Variants in ABL1 observed in about 807,000 individuals in gnomAD.
The protein encoded by ABL1 is tyrosine-protein kinase ABL1.
A neutral mutation model predicts 94.7 loss-of-function variants in ABL1; 11 were observed. That is an observed-to-expected ratio of 0.12 (90% CI 0.07 to 0.19). The LOEUF (loss-of-function observed/expected upper bound fraction) is 0.19, where lower values mean the gene tolerates loss of function less well. Ranked by LOEUF, ABL1 falls within the 10% of genes least tolerant of loss-of-function variation. ABL1 has a pLI of 1.00. For missense variants in ABL1, 1,082 were observed against 1,489.4 expected (o/e 0.73, Z 4.50); for synonymous variants, 656 against 622.4 (o/e 1.05, Z -0.80).
At chr9:130,726,596 T>G (rs1448555827) in intron 1 of ABL1, among the ~76,000 whole-genome samples, 3 of 152,196 alleles carry the variant, frequency 2.0e-5, no homozygotes, top group Non-Finnish European at 4.4e-5. Flanking sequence ...TCAATTGTTT[T>G]CCATTTTATT....
At chr9:130,757,724 A>T (rs2132741460) in intron 1 of ABL1, among the ~76,000 whole-genome samples, 1 of 151,344 alleles carries the variant, frequency 6.6e-6, no homozygotes, top group East Asian at 2.0e-4. Flanking sequence ...GTATTTTGTT[A>T]TAGAGATGGG....
chr9:130,759,234 T>C (rs1161336886), intron 1 of ABL1, among the ~76,000 whole-genome samples: 1 of 152,194 alleles, frequency 6.6e-6, no homozygotes, highest in Non-Finnish European at 1.5e-5. Context: ...TTCAGCAACT[T>C]CTTTTATGGT....
At position 130,835,335 on chromosome 9, in the gene ABL1, G is replaced by GC. The variant is rs11433465; in HGVS notation, c.-111dup. 1 allele frequency: 346,492 copies of GC among 346,598 alleles called. 173,195 individuals are homozygous for GC. Among genetic ancestry groups the GC allele is most frequent in the Middle Eastern group, 1 (730 of 730 alleles). The allele number at this position is 346,598 out of a possible 1,614,324, so 21.5% of individuals were successfully genotyped here. A position where few individuals can be genotyped will look rare whatever the true frequency, so the allele number is the denominator to read the frequency against. On this transcript the variant is annotated 5_prime_UTR_variant, in exon 1 of 11. Coordinates refer to ENST00000318560, the MANE Select transcript of ABL1 (RefSeq NM_005157.6). This position sits in a 1 kb window ranked among gnomAD's most constrained non-coding sequence, Gnocchi z 4.6. ...GGCGCGCGGGGCGGCGGTGAGGGCGGCTGGCGGGGCCGGGGGCGCCGGGGG... is the reference window on the plus strand; with the variant it reads ...GGCGCGCGGGGCGGCGGTGAGGGCGGCCTGGCGGGGCCGGGGGCGCCGGGGG...
intron 1 of ABL1, among the ~76,000 whole-genome samples, chr9:130,822,431 C>T (rs955644212): frequency 6.6e-5 from 10 of 151,214 alleles, no homozygotes; most frequent in South Asian, 2.1e-4. Flanking sequence ...TACCTATCCC[C>T]GCCCCTGCTT....
At chr9:130,730,046 C>CTTTTTTTTTTTTTTTTTTTTT (rs138446676) in intron 1 of ABL1, among the ~76,000 whole-genome samples, 14 of 107,174 alleles carry the variant, frequency 1.3e-4, no homozygotes, top group Admixed American at 2.9e-4. Context: ...CCCAGCCAGA[C>CTTTTTTTTTTTTTTTTTTTTT]TTTTTTTTTT....
chr9:130,857,633 CTT>C (rs35695882), intron 3 of ABL1, among the ~76,000 whole-genome samples: 2 of 144,894 alleles, frequency 1.4e-5, no homozygotes, highest in Non-Finnish European at 1.5e-5. Context: ...ACCTTTTTAA[CTT>C]TTTTTTTTTT....
At chr9:130,864,492 A>G (rs1043606628) in intron 4 of ABL1, among the ~76,000 whole-genome samples, 3 of 152,074 alleles carry the variant, frequency 2.0e-5, no homozygotes, top group Non-Finnish European at 2.9e-5. Context: ...TGATCTGCCT[A>G]CCTCAGCCTC....
chr9:130,836,930 G>T (rs1278220348), intron 1 of ABL1, among the ~76,000 whole-genome samples: 1 of 151,738 alleles, frequency 6.6e-6, no homozygotes, highest in Admixed American at 6.6e-5. Context: ...AAAAGCAGGA[G>T]AAATAAACAG....
chr9:130,741,380 G>A (rs2583842), intron 1 of ABL1, among the ~76,000 whole-genome samples: 28,714 of 145,106 alleles, frequency 0.2, 3,427 homozygotes, highest in Middle Eastern at 0.41. Context: ...CTACCATGCC[G>A]GAGTAACAGT....
At chr9:130,854,259 A>G (rs1472653401) in intron 2 of ABL1, 22 bp downstream of exon 2, 2 of 1,608,452 alleles carry the variant, frequency 1.2e-6, no homozygotes, top group Non-Finnish European at 1.7e-6. Context: ...GTGGGCAGCT[A>G]GTGGTGGTTG....
chr9:130,768,527 G>A (rs1272377031), intron 1 of ABL1, among the ~76,000 whole-genome samples: 1 of 152,206 alleles, frequency 6.6e-6, no homozygotes, highest in East Asian at 1.9e-4. Flanking sequence ...CCTCCCCAGA[G>A]CCCTTGCATC....
At chr9:130,724,655 T>C (rs2132680632) in intron 1 of ABL1, 1 of 254,546 alleles carries the variant, frequency 3.9e-6, no homozygotes, top group Middle Eastern at 1.8e-3. Flanking sequence ...ACTTAAAAAT[T>C]AGCCAGGCGT....
At chr9:130,818,350 G>T (rs887634350) in intron 1 of ABL1, among the ~76,000 whole-genome samples, 12 of 152,154 alleles carry the variant, frequency 7.9e-5, no homozygotes, top group African/African-American at 2.7e-4. Context: ...CATGCCTGTA[G>T]TTCCAGCTAC....
At chr9:130,881,510 G>A (rs932169311) in intron 10 of ABL1, among the ~76,000 whole-genome samples, 2 of 152,212 alleles carry the variant, frequency 1.3e-5, no homozygotes, top group Non-Finnish European at 2.9e-5. Flanking sequence ...AGCTTGTGCA[G>A]GGGAAGTCCG....
At chr9:130,864,268 C>T (rs1031506943) in intron 4 of ABL1, among the ~76,000 whole-genome samples, 19 of 152,002 alleles carry the variant, frequency 1.2e-4, no homozygotes, top group Admixed American at 4.6e-4. Flanking sequence ...TTTTTTGAGA[C>T]GGAGTCTTAC....
In ABL1 at chr9:130,884,302, G is replaced by T. The variant is rs760387947; in HGVS notation, c.2012G>T (p.Gly671Val). Residue 671 changes from glycine (G) to valine (V), a missense_variant, in exon 11 of 11, where the codon GGA becomes GTA. Physicochemically the swap from Gly to Val is moderately radical, Grantham distance 109. Coordinates refer to ENST00000318560, the MANE Select transcript of ABL1 (RefSeq NM_005157.6). This position sits in a 1 kb window ranked among gnomAD's most constrained non-coding sequence, Gnocchi z 5.6. ...AGCAATGGGGCTGGGGTCCCCAATGGAGCCCTCCGGGAGTCCGGGGGCTCA... is the reference window on the plus strand; with the variant it reads ...AGCAATGGGGCTGGGGTCCCCAATGTAGCCCTCCGGGAGTCCGGGGGCTCA... ...KPSNGAGVPN[G>V]ALRESGGSGF... 48 of 1,609,242 alleles carry T rather than the reference G, an allele frequency of 3.0e-5. No homozygotes were observed. In the Admixed American group the frequency reaches 8.1e-4, roughly 27 times the overall value.
At chr9:130,865,189 A>C (rs942290313) in intron 4 of ABL1, among the ~76,000 whole-genome samples, 1 of 152,166 alleles carries the variant, frequency 6.6e-6, no homozygotes, top group Non-Finnish European at 1.5e-5. Context: ...CCAAGAGCCT[A>C]ATTAACTTAC....
chr9:130,861,611 G>A (rs1453603459), intron 3 of ABL1, among the ~76,000 whole-genome samples: 1 of 151,930 alleles, frequency 6.6e-6, no homozygotes, highest in Admixed American at 6.6e-5. Flanking sequence ...GCCTGATCCT[G>A]TTCCCTTTTC....
chr9:130,809,392 G>A (rs527879821), intron 1 of ABL1, among the ~76,000 whole-genome samples: 1 of 108,096 alleles, frequency 9.3e-6, no homozygotes, highest in Non-Finnish European at 1.9e-5. Flanking sequence ...GAGAGAGAGA[G>A]AGAGAGAGAG....
Sources: allele counts gnomAD v4.1 joint callset (sites outside exome capture counted in the v4.1 genomes callset), GRCh38; gene constraint gnomAD v4.1.1; non-coding constraint Gnocchi (gnomAD v3.1); transcripts MANE v1.5; gene names NCBI Gene and HGNC (gene_info 2026-07-23, HGNC 2026-07-21).